The following TCF20 variants were observed in gnomAD, a reference collection of about 807,000 sequenced individuals.
TCF20 encodes transcription factor 20.
A neutral mutation model predicts 148.6 loss-of-function variants in TCF20; 3 were observed. That is an observed-to-expected ratio of 0.02 (90% CI 0.01 to 0.05). TCF20 has a LOEUF of 0.05. Ranked by LOEUF, TCF20 falls within the 10% of genes least tolerant of loss-of-function variation. The pLI is 1.00. For missense variants in TCF20, 2,350 were observed against 2,429.3 expected, an observed-to-expected ratio of 0.97 and a Z score of 0.69; for synonymous variants, 1,049 against 909.5, an observed-to-expected ratio of 1.15 and a Z score of -2.76.
In TCF20 at chr22:42,210,212, C is replaced by T. The variant is rs1293172535; in HGVS notation, c.5094G>A (p.Ser1698=). The T allele has an allele frequency of 1.2e-5, 20 of 1,614,042 alleles. 1 individual carries two copies. Among genetic ancestry groups the T allele is most frequent in the African/African-American group, 2.7e-5 (2 of 74,918 alleles). Residue 1698 remains serine, a synonymous_variant, in exon 2 of 6, where the codon TCG becomes TCA. Transcript: ENST00000677622. This position sits in a 1 kb window ranked among gnomAD's most constrained non-coding sequence, Gnocchi z 4.7. ...GACAGCAAACCAGGTGCCCCATAAC[C>T]GAAGACTCTGTCACAACAGGTCCCT... ...MLQGPVVTES[S]VMGHLVCCLC...
chr22:42,201,544 G>C (rs1269645413), intron 2 of TCF20, among the ~76,000 whole-genome samples: 1 of 152,108 alleles, frequency 6.6e-6, no homozygotes, highest in African/African-American at 2.4e-5. Flanking sequence ...GAGGCAGACG[G>C]ATCAGTTGAG....
Position 42,292,594 on chromosome 22 carries a change from C to T in TCF20, c.-37+50885G>A, listed in dbSNP as rs1267752501. On this transcript the variant is annotated intron_variant, in intron 1 of 1. Coordinates refer to the TCF20 transcript ENST00000515426. The surrounding 1 kb of genome is among the most constrained non-coding windows in gnomAD (Gnocchi z 4.9). ...TGAGATGCCAGAAGAGTGGGCAGCA[C>T]GGTGGCCTGGATAAATCCCAGAAGG... Among the ~76,000 whole-genome samples, 9 of 152,094 alleles carry T rather than the reference C, an allele frequency of 5.9e-5. No individual in the cohort carries two copies. The highest frequency in any genetic ancestry group is 1.4e-4 in the African/African-American group (6 of 41,400).
At chr22:42,337,609 G>A (rs558639354) in intron 1 of TCF20, among the ~76,000 whole-genome samples, 27 of 152,258 alleles carry the variant, frequency 1.8e-4, no homozygotes, top group African/African-American at 5.8e-4. Flanking sequence ...GTAAAATCCT[G>A]CCTGATCCTT....
chr22:42,238,314 G>C (rs865915135), intron 1 of TCF20, among the ~76,000 whole-genome samples: 4 of 152,194 alleles, frequency 2.6e-5, no homozygotes, highest in Non-Finnish European at 1.5e-5. Flanking sequence ...AGTGAAAAGA[G>C]AAAGTCTTGC....
chr22:42,256,851 A>G (rs866962694), intron 1 of TCF20, among the ~76,000 whole-genome samples: 12 of 152,098 alleles, frequency 7.9e-5, no homozygotes, highest in Middle Eastern at 3.2e-3. Flanking sequence ...TAACAATTCT[A>G]TTTTATTGTT....
At chr22:42,310,073 GGACTT>G (rs1927505737) in intron 1 of TCF20, among the ~76,000 whole-genome samples, 1 of 152,208 alleles carries the variant, frequency 6.6e-6, no homozygotes. Flanking sequence ...CAGAAAAGGT[GGACTT>G]TGAAGGATGT....
intron 1 of TCF20, among the ~76,000 whole-genome samples, chr22:42,342,435 C>T (rs1159297659): frequency 2.0e-5 from 3 of 152,146 alleles, no homozygotes; most frequent in Non-Finnish European, 2.9e-5. Flanking sequence ...CGGGGAAGGC[C>T]CCAAAGCCCA....
intron 1 of TCF20, among the ~76,000 whole-genome samples, chr22:42,218,014 C>T (rs1921980111): frequency 6.6e-6 from 1 of 152,220 alleles, no homozygotes; most frequent in Non-Finnish European, 1.5e-5. Flanking sequence ...AACTTCTCAT[C>T]CTATTCAAAA....
intron 3 of TCF20, among the ~76,000 whole-genome samples, chr22:42,177,766 T>C (rs1226492187): frequency 6.6e-6 from 1 of 152,202 alleles, no homozygotes; most frequent in Non-Finnish European, 1.5e-5. Flanking sequence ...ACAGACCTCC[T>C]AAAACCCGTG....
intron 1 of TCF20, among the ~76,000 whole-genome samples, chr22:42,309,666 A>AC (rs11373181): frequency 0.56 from 84,882 of 151,812 alleles, 24,384 homozygotes; most frequent in African/African-American, 0.68. Flanking sequence ...GCAACTCCCC[A>AC]CTGCCTAGAA....
At chr22:42,269,793 G>A (rs886495002) in intron 1 of TCF20, 2 of 152,826 alleles carry the variant, frequency 1.3e-5, no homozygotes, top group Non-Finnish European at 1.5e-5. Flanking sequence ...CATGGCTTCA[G>A]GTGTTCACAT....
intron 1 of TCF20, among the ~76,000 whole-genome samples, chr22:42,219,200 A>G (rs991410760): frequency 4.0e-5 from 6 of 151,460 alleles, no homozygotes; most frequent in Admixed American, 6.6e-5. Flanking sequence ...CCTGGGTTAA[A>G]AAAAATTTTA....
rs146934520 is a variant in TCF20, at chr22:42,249,222, G to A, written c.-37+21117C>T. Among the ~76,000 whole-genome samples the A allele has an allele frequency of 8.4e-4, 128 of 152,274 alleles. No individual in the cohort carries two copies. The Middle Eastern group carries it at 0.017, about 20-fold the overall frequency. On this transcript the variant is annotated intron_variant, in intron 1 of 5. Transcript: ENST00000677622. ...GAGAGATAACACCATTAGCTTCCCT[G>A]GTTCTGAGGCCTTTGGATTTGGACT...
chr22:42,177,410 C>T (rs144225850), intron 3 of TCF20, among the ~76,000 whole-genome samples: 33 of 152,234 alleles, frequency 2.2e-4, no homozygotes, highest in Non-Finnish European at 4.0e-4. Context: ...AGCGAAACTT[C>T]GTCTCAAAAA....
chr22:42,216,354 C>T (rs118002301), intron 1 of TCF20, among the ~76,000 whole-genome samples: 2,011 of 152,262 alleles, frequency 0.013, 24 homozygotes, highest in Non-Finnish European at 0.02. Context: ...GGCCAGAGAA[C>T]TGCAGCCAAT....
Position 42,329,336 on chromosome 22 carries a change from C to T in TCF20, c.-37+14143G>A, listed in dbSNP as rs117496644. ...GGGGGTGAGCACCTGGCGAGACTGG[C>T]GCCCAGCCTGAACGCACCTGCCAGG... On this transcript the variant is annotated intron_variant, in intron 1 of 1. Coordinates refer to the TCF20 transcript ENST00000515426. 1.4e-3 allele frequency among the ~76,000 whole-genome samples: 216 copies of T among 152,364 alleles called. 5 individuals are homozygous for T. The East Asian group carries it at 0.037, about 26-fold the overall frequency.
chr22:42,324,945 G>T lies in TCF20; in HGVS notation c.-37+18534C>A, dbSNP rs937878178. On this transcript the variant is annotated intron_variant, in intron 1 of 1. Transcript: ENST00000515426. ...GATGAAGAGAGGCCAGAAGAAGCCA[G>T]GCTCGGATGCCTCATCCCAAAACTG... 5.8e-4 allele frequency among the ~76,000 whole-genome samples: 88 copies of T among 152,366 alleles called. 1 individual carries two copies. The highest frequency in any genetic ancestry group is 1.4e-3 in the Admixed American group (21 of 15,312).
At chr22:42,189,826 C>G (rs776472785) in intron 2 of TCF20, among the ~76,000 whole-genome samples, 4 of 152,158 alleles carry the variant, frequency 2.6e-5, no homozygotes, top group Non-Finnish European at 4.4e-5. Context: ...TCCTTATATT[C>G]AGATATTCCT....
intron 1 of TCF20, among the ~76,000 whole-genome samples, chr22:42,258,584 T>A (rs1925866534): frequency 6.6e-6 from 1 of 152,172 alleles, no homozygotes; most frequent in African/African-American, 2.4e-5. Flanking sequence ...GGTGCCAAAG[T>A]GACAAGCATT....
Sources: allele counts gnomAD v4.1 joint callset (sites outside exome capture counted in the v4.1 genomes callset), GRCh38; gene constraint gnomAD v4.1.1; non-coding constraint Gnocchi (gnomAD v3.1); transcripts MANE v1.5; gene names NCBI Gene and HGNC (gene_info 2026-07-23, HGNC 2026-07-21).